MAPK11: variants seen among roughly 807,000 people sequenced by gnomAD.
MAPK11 encodes mitogen-activated protein kinase 11.
A neutral mutation model predicts 52.2 loss-of-function variants in MAPK11; 44 were observed. That is an observed-to-expected ratio of 0.84 (90% CI 0.66 to 1.08). The LOEUF is 1.08. Among genes scored for constraint, MAPK11 ranks in the 50% least tolerant of loss-of-function variants. MAPK11 has a pLI of 0.00. For missense variants in MAPK11, 436 were observed against 494.7 expected (o/e 0.88, Z 1.13); for synonymous variants, 233 against 206.3 (o/e 1.13, Z -1.11).
chr22:50,267,281 G>A lies in MAPK11; in HGVS notation c.423C>T (p.Ile141=). 1.2e-6 allele frequency: 2 copies of A among 1,602,506 alleles called. No homozygotes were observed. Among genetic ancestry groups the A allele is most frequent in the Non-Finnish European group, 1.7e-6 (2 of 1,176,406 alleles). The stretch of plus-strand genomic sequence containing the variant: ...CCCGGTGGATGATCCCGGCCGAGTG[G>A]ATGTACTGCGGGAGGGGGATTGTGG... ...VYQLLRGLKY[I]HSAGIIHRDL... The change falls in exon 5 of 12, where the codon ATC becomes ATT. Residue 141 remains isoleucine (I), a synonymous_variant. Coordinates refer to ENST00000330651, the MANE Select transcript of MAPK11 (RefSeq NM_002751.7).
chr22:50,266,866 C>T (rs760068922), intron 7 of MAPK11, 68 bp downstream of exon 7: 15 of 1,451,036 alleles, frequency 1.0e-5, no homozygotes, highest in Non-Finnish European at 1.4e-5. Flanking sequence ...TAAGACCTGG[C>T]ATGCAGAGCC....
chr22:50,266,180 G>GGA, intron 9 of MAPK11, 46 bp downstream of exon 9: 1 of 1,468,200 alleles, frequency 6.8e-7, no homozygotes, highest in Non-Finnish European at 9.3e-7. Context: ...AGAGCCTGGG[G>GGA]GCTCAGCCAG....
Position 50,264,578 on chromosome 22 carries a change from A to G in MAPK11, c.*370T>C, listed in dbSNP as rs201970565. 1.1e-5 allele frequency: 2 copies of G among 186,224 alleles called. No homozygotes were observed. Among genetic ancestry groups the G allele is most frequent in the East Asian group, 2.7e-4 (2 of 7,426 alleles). The allele number at this position is 186,224 out of a possible 1,614,324, so 11.5% of individuals were successfully genotyped here. On this transcript the variant is annotated 3_prime_UTR_variant, in exon 12 of 12. Coordinates refer to ENST00000330651, the MANE Select transcript of MAPK11 (RefSeq NM_002751.7). ...CGTCCTCCAGAAAGCCCTGGGACAG[A>G]AGAGAGCCCAAGGCTGACACTCCCT...
intron 1 of MAPK11, among the ~76,000 whole-genome samples, chr22:50,269,300 C>T (rs1569148882): frequency 6.6e-6 from 1 of 152,082 alleles, no homozygotes; most frequent in East Asian, 1.9e-4. Context: ...GATGCCGGCT[C>T]CTGAGCTCCA....
chr22:50,265,090 C>A, intron 11 of MAPK11, 63 bp from the exon 12 acceptor site: 1 of 1,435,944 alleles, frequency 7.0e-7, no homozygotes, highest in Non-Finnish European at 9.7e-7. Flanking sequence ...ACCTGCTTGT[C>A]TGGCACCTGC....
At chr22:50,268,000 C>T in intron 1 of MAPK11, 51 bp from the exon 2 acceptor site, 1 of 1,482,880 alleles carries the variant, frequency 6.7e-7, no homozygotes, top group Non-Finnish European at 8.9e-7. Flanking sequence ...AGGGCGGCCG[C>T]ACGCGCGTGG....
intron 2 of MAPK11, 48 bp from the exon 3 acceptor site, chr22:50,267,675 G>C: frequency 6.7e-7 from 1 of 1,491,158 alleles, no homozygotes; most frequent in Non-Finnish European, 8.9e-7. Flanking sequence ...CCCGGCTGTC[G>C]TTCAGCTCCC....
chr22:50,267,719 C>G lies in MAPK11; in HGVS notation c.247-92G>C, dbSNP rs1289820123. Reference sequence around the variant, plus strand: ...ACGCCCCCAGTGCCAGGCCGCGCCCCCTGTGTCCCCGCCCCCATCGCCAGG... The same window carrying G: ...ACGCCCCCAGTGCCAGGCCGCGCCCGCTGTGTCCCCGCCCCCATCGCCAGG... On this transcript the variant is annotated intron_variant, in intron 2 of 11. Coordinates refer to ENST00000330651, the MANE Select transcript of MAPK11 (RefSeq NM_002751.7). 5 of 1,442,472 alleles carry G rather than the reference C, an allele frequency of 3.5e-6. No individual in the cohort carries two copies. The Admixed American group carries it at 1.3e-4, about 37-fold the overall frequency. The allele number at this position is 1,442,472 out of a possible 1,614,324, so 89.4% of individuals were successfully genotyped here.
intron 7 of MAPK11, 156 bp from the exon 8 acceptor site, chr22:50,266,767 A>G: frequency 1.1e-6 from 1 of 948,070 alleles, no homozygotes; most frequent in Non-Finnish European, 1.7e-6. Context: ...GCACAGCCAG[A>G]GGAGGCCAGC....
In MAPK11 at chr22:50,270,102, C is replaced by T; in HGVS notation, c.116+75G>A. ...AGGCCCCTCCCCACGCCGAGAACCT[C>T]GCGCGGGCGAGGAGGGGACGCGCTC... is the stretch of plus-strand genomic sequence containing the variant. On this transcript the variant is annotated intron_variant, in intron 1 of 11. Coordinates refer to ENST00000330651, the MANE Select transcript of MAPK11 (RefSeq NM_002751.7). The surrounding 1 kb of genome is among the most constrained non-coding windows in gnomAD (Gnocchi z 6.3). 1 of 709,152 alleles carries T rather than the reference C, an allele frequency of 1.4e-6. No homozygotes were observed. The highest frequency in any genetic ancestry group is 2.0e-6 in the Non-Finnish European group (1 of 510,866). The allele number at this position is 709,152 out of a possible 1,614,324, so 43.9% of individuals were successfully genotyped here. A position where few individuals can be genotyped will look rare whatever the true frequency, so the allele number is the denominator to read the frequency against.
In MAPK11 at chr22:50,265,649, A is replaced by G. The variant is rs1183395677; in HGVS notation, c.774T>C (p.Tyr258=). 1 of 1,581,620 alleles carries G rather than the reference A, an allele frequency of 6.3e-7. No homozygotes were observed. Among genetic ancestry groups the G allele is most frequent in the Non-Finnish European group, 8.6e-7 (1 of 1,161,450 alleles). The change falls in exon 10 of 12, where the codon TAT becomes TAC. Residue 258 remains tyrosine, a synonymous_variant. Coordinates refer to ENST00000330651, the MANE Select transcript of MAPK11 (RefSeq NM_002751.7). ...GGGGCATGGGGGGCAGGGACTGGAT[A>G]TATGTCCGGGCCTGGGGGCACACAA... is the stretch of plus-strand genomic sequence containing the variant. ...AKISSEHART[Y]IQSLPPMPQK... is the part of the protein sequence containing the mutation.
In MAPK11 at chr22:50,265,656, C is replaced by T. The variant is rs201247220; in HGVS notation, c.767G>A (p.Arg256Gln). Residue 256 changes from arginine to glutamine, a missense_variant, in exon 10 of 12, where the codon CGG becomes CAG. Physicochemically the swap from Arg to Gln is conservative, Grantham distance 43 (BLOSUM62 1). Coordinates refer to ENST00000330651, the MANE Select transcript of MAPK11 (RefSeq NM_002751.7). Reference sequence around the variant, plus strand: ...GGGGGGCAGGGACTGGATATATGTCCGGGCCTGGGGGCACACAAGAACACC... The same window carrying T: ...GGGGGGCAGGGACTGGATATATGTCTGGGCCTGGGGGCACACAAGAACACC... ...VLAKISSEHA[R>Q]TYIQSLPPMP... 1.2e-4 allele frequency: 195 copies of T among 1,563,710 alleles called. No individual in the cohort carries two copies. Among genetic ancestry groups the T allele is most frequent in the Admixed American group, 2.0e-4 (11 of 55,818 alleles).
At position 50,266,273 on chromosome 22, in the gene MAPK11, C is replaced by T. The variant is rs1247986304; in HGVS notation, c.715G>A (p.Val239Met). ...AGAACCTCAGGGCTGGGTGTGCCCA[C>T]CACTTCCATGATGCGCTTCAGCTGG... is the stretch of plus-strand genomic sequence containing the variant. ...IDQLKRIMEV[V>M]GTPSPEVLAK... The change falls in exon 9 of 12, where the codon GTG (valine) becomes ATG (methionine). Residue 239 changes from valine to methionine, a missense_variant. By Grantham distance (21) the Val-to-Met change is conservative. Coordinates refer to ENST00000330651, the MANE Select transcript of MAPK11 (RefSeq NM_002751.7). 1 of 1,607,978 alleles carries T rather than the reference C, an allele frequency of 6.2e-7. No individual in the cohort carries two copies. The highest frequency in any genetic ancestry group is 1.7e-5 in the Admixed American group (1 of 59,448).
chr22:50,268,043 T>G, intron 1 of MAPK11, 94 bp from the exon 2 acceptor site: 9 of 1,227,542 alleles, frequency 7.3e-6, no homozygotes, highest in African/African-American at 3.3e-5. Context: ...CGCTTCTCCG[T>G]GGGGATGGGG....
rs1447616669 is a variant in MAPK11 at position 50,270,188 on chromosome 22, G to A, written c.105C>T (p.Tyr35=). 10 of 1,464,426 alleles carry A rather than the reference G, an allele frequency of 6.8e-6. No homozygotes were observed. The highest frequency in any genetic ancestry group is 5.7e-5 in the East Asian group (2 of 35,304). 90.7% of individuals were successfully genotyped at this position (1,464,426 alleles called of 1,614,324 possible). A position where few individuals can be genotyped will look rare whatever the true frequency, so the allele number is the denominator to read the frequency against. The change falls in exon 1 of 12, where the codon TAC becomes TAT. Residue 35 remains tyrosine, a synonymous_variant. Transcript: ENST00000330651. The surrounding 1 kb of genome is among the most constrained non-coding windows in gnomAD (Gnocchi z 6.3). ...TGCCCCGCCCCTACCAGACGGAGCCGTAGGCGCCGGAGCCCACCGGGCGCA... is the reference window on the plus strand; with the variant it reads ...TGCCCCGCCCCTACCAGACGGAGCCATAGGCGCCGGAGCCCACCGGGCGCA... ...QGLRPVGSGA[Y]GSVCSAYDAR...
At position 50,264,582 on chromosome 22, in the gene MAPK11, G is replaced by A. The variant is rs1455939521; in HGVS notation, c.*366C>T. 2 of 188,998 alleles carry A rather than the reference G, an allele frequency of 1.1e-5. No homozygotes were observed. The highest frequency in any genetic ancestry group is 4.7e-5 in the African/African-American group (2 of 42,710). 11.7% of individuals were successfully genotyped at this position (188,998 alleles called of 1,614,324 possible). A position where few individuals can be genotyped will look rare whatever the true frequency, so the allele number is the denominator to read the frequency against. ...CTCCAGAAAGCCCTGGGACAGAAGA[G>A]AGCCCAAGGCTGACACTCCCTTGGG... is the stretch of plus-strand genomic sequence containing the variant. On this transcript the variant is annotated 3_prime_UTR_variant, in exon 12 of 12. Transcript: ENST00000330651.
chr22:50,266,451 G>A, intron 8 of MAPK11, 89 bp downstream of exon 8: 1 of 1,406,650 alleles, frequency 7.1e-7, no homozygotes, highest in Non-Finnish European at 9.7e-7. Flanking sequence ...GGCAGAGGAG[G>A]CAAGACCCGC....
In MAPK11 at chr22:50,267,424, G is replaced by A. The variant is rs1377337271; in HGVS notation, c.364C>T (p.Leu122=). 22 of 1,610,766 alleles carry A rather than the reference G, an allele frequency of 1.4e-5. No homozygotes were observed. The highest frequency in any genetic ancestry group is 1.8e-5 in the Non-Finnish European group (21 of 1,179,148). The change falls in exon 4 of 12, where the codon CTG becomes TTG. Residue 122 remains leucine, a synonymous_variant. Transcript: ENST00000330651. ...DLNNIVKCQA[L]SDEHVQFLVY... ...AGGAATTGAACGTGCTCGTCGCTCA[G>A]CGCCTGGCACTTGACGATGTTGTTC...
chr22:50,270,172 C>A lies in MAPK11; in HGVS notation c.116+5G>T. On this transcript the variant is annotated splice_donor_5th_base_variant and intron_variant, in intron 1 of 11. Coordinates refer to ENST00000330651, the MANE Select transcript of MAPK11 (RefSeq NM_002751.7). This position sits in a 1 kb window ranked among gnomAD's most constrained non-coding sequence, Gnocchi z 6.3. ...CACCCAGCACCCCTTCTGCCCCGCC[C>A]CTACCAGACGGAGCCGTAGGCGCCG... The A allele has an allele frequency of 7.0e-7, 1 of 1,430,758 alleles. No homozygotes were observed. Among genetic ancestry groups the A allele is most frequent in the Non-Finnish European group, 9.2e-7 (1 of 1,091,650 alleles). The allele number at this position is 1,430,758 out of a possible 1,614,324, so 88.6% of individuals were successfully genotyped here. A position where few individuals can be genotyped will look rare whatever the true frequency, so the allele number is the denominator to read the frequency against.
Sources: gnomAD v4.1 joint callset for allele counts (sites outside exome capture counted in the v4.1 genomes callset) on GRCh38, gnomAD v4.1.1 for gene constraint, Gnocchi (gnomAD v3.1) non-coding constraint, MANE v1.5 for transcripts, NCBI Gene and HGNC (gene_info 2026-07-23, HGNC 2026-07-21) for gene names.